The following UPF2 variants were observed in gnomAD, a reference collection of about 807,000 sequenced individuals.
UPF2 encodes the protein regulator of nonsense transcripts 2.
UPF2 carries 17 observed loss-of-function variants against 141.4 expected under a neutral mutation model. The ratio of observed to expected loss-of-function variants is 0.12; its 90% CI spans 0.08 to 0.18. The LOEUF is 0.18. UPF2 is among the 10% of genes least tolerant of loss of function. The pLI, the probability that UPF2 is intolerant of heterozygous loss-of-function variation, is 1.00. For synonymous variants in UPF2, 540 were observed against 498.0 expected, an observed-to-expected ratio of 1.08 and a Z score of -1.12; for missense variants, 1,152 against 1,515.9, an observed-to-expected ratio of 0.76 and a Z score of 3.99.
intron 21 of UPF2, 52 bp downstream of exon 21, chr10:11,929,813 T>G: frequency 6.3e-7 from 1 of 1,595,256 alleles, no homozygotes; most frequent in Non-Finnish European, 8.6e-7. Context: ...TAATTTATTC[T>G]TATGGACATC....
intron 20 of UPF2, among the ~76,000 whole-genome samples, chr10:11,930,589 C>A (rs145748709): frequency 3.1e-4 from 47 of 152,142 alleles, no homozygotes; most frequent in Admixed American, 1.7e-3. Context: ...TGAGCTTGGG[C>A]AACATAGCAA....
chr10:11,955,524 CCA>C lies in UPF2; in HGVS notation c.2575-19_2575-18del. 4 of 1,592,752 alleles carry C rather than the reference CCA, an allele frequency of 2.5e-6. No individual in the cohort carries two copies. The highest frequency in any genetic ancestry group is 3.4e-6 in the Non-Finnish European group (4 of 1,170,520). On this transcript the variant is annotated intron_variant, in intron 13 of 21. Transcript: ENST00000357604. ...TTGATTAACCTAAAAGGCAACAAAA[CCA>C]CAGATTTTCATTAAAGAGGAGTAGT...
intron 18 of UPF2, among the ~76,000 whole-genome samples, chr10:11,938,862 T>TTTTTTTTTTG (rs1832894071): frequency 1.3e-5 from 1 of 79,858 alleles, no homozygotes; most frequent in Non-Finnish European, 2.4e-5. Flanking sequence ...TGTTTTTTTT[T>TTTTTTTTTTG]TTTTTTTTTT....
At chr10:12,015,665 G>A (rs775474908) in intron 3 of UPF2, among the ~76,000 whole-genome samples, 4 of 152,154 alleles carry the variant, frequency 2.6e-5, no homozygotes, top group African/African-American at 4.8e-5. Context: ...TCGTGCCACT[G>A]CACTCCAGCC....
intron 5 of UPF2, among the ~76,000 whole-genome samples, 164 bp from the exon 6 acceptor site, chr10:12,001,989 G>A (rs180836961): frequency 3.9e-5 from 6 of 152,074 alleles, no homozygotes; most frequent in East Asian, 1.9e-4. Context: ...CATTATGCTC[G>A]GCTGGGCATG....
Position 11,921,417 on chromosome 10 carries a change from C to T in UPF2, c.3810-110G>A, listed in dbSNP as rs1832643049. ...ACCACCAAGTCACTCCCCCAAGTTA[C>T]AGGTGGCCCTGGCATCTGCGGGTTC... On this transcript the variant is annotated intron_variant, in intron 21 of 21. Transcript: ENST00000357604. This position sits in a 1 kb window ranked among gnomAD's most constrained non-coding sequence, Gnocchi z 5.9. 1 of 1,408,508 alleles carries T rather than the reference C, an allele frequency of 7.1e-7. No homozygotes were observed. Among genetic ancestry groups the T allele is most frequent in the Non-Finnish European group, 1.0e-6 (1 of 1,004,256 alleles). 87.3% of individuals were successfully genotyped at this position (1,408,508 alleles called of 1,614,324 possible). A position where few individuals can be genotyped will look rare whatever the true frequency, so the allele number is the denominator to read the frequency against.
intron 8 of UPF2, among the ~76,000 whole-genome samples, chr10:11,997,294 A>G (rs1833880109): frequency 6.6e-6 from 1 of 152,176 alleles, no homozygotes; most frequent in Admixed American, 6.6e-5. Flanking sequence ...CATAAATCTG[A>G]GAACTAAATA....
At chr10:11,963,981 G>A (rs1833279231) in intron 11 of UPF2, 28 bp downstream of exon 11, 3 of 1,526,314 alleles carry the variant, frequency 2.0e-6, no homozygotes, top group Non-Finnish European at 2.7e-6. Flanking sequence ...AGAACCTCTA[G>A]CTCTTACCAG....
At chr10:12,024,655 G>A (rs373241756) in intron 3 of UPF2, among the ~76,000 whole-genome samples, 13 of 151,036 alleles carry the variant, frequency 8.6e-5, no homozygotes, top group South Asian at 6.3e-4. Context: ...GGGTGGCACC[G>A]AGCACAGTGG....
chr10:11,934,883 C>CT (rs1297148682), intron 19 of UPF2, among the ~76,000 whole-genome samples: 1 of 152,094 alleles, frequency 6.6e-6, no homozygotes, highest in Non-Finnish European at 1.5e-5. Flanking sequence ...CCACTATGCC[C>CT]GGCCACACAC....
At chr10:11,937,209 A>G (rs781098460) in intron 18 of UPF2, among the ~76,000 whole-genome samples, 2 of 152,242 alleles carry the variant, frequency 1.3e-5, no homozygotes, top group Non-Finnish European at 2.9e-5. Flanking sequence ...TTGGTTGGTA[A>G]TATCAATTAT....
At chr10:11,929,724 C>T (rs1222744372) in intron 21 of UPF2, 141 bp downstream of exon 21, 1 of 1,223,990 alleles carries the variant, frequency 8.2e-7, no homozygotes, top group Non-Finnish European at 1.1e-6. Flanking sequence ...ATCTACTTTT[C>T]TATTTTGCTA....
At chr10:11,922,290 C>T (rs1832655375) in intron 21 of UPF2, among the ~76,000 whole-genome samples, 1 of 152,184 alleles carries the variant, frequency 6.6e-6, no homozygotes, top group Admixed American at 6.5e-5. Flanking sequence ...TTTGTCATGG[C>T]AGCCCAAGCA....
At position 12,002,096 on chromosome 10, in the gene UPF2, C is replaced by T. The variant is rs185451339; in HGVS notation, c.1505-271G>A. Among the ~76,000 whole-genome samples the T allele has an allele frequency of 1.9e-3, 289 of 152,146 alleles. 3 individuals are homozygous for T. Among genetic ancestry groups the T allele is most frequent in the Non-Finnish European group, 2.7e-3 (184 of 68,006 alleles). ...GACCAGCCTGACCAACATGGTGAAA[C>T]CCCATCTCTACTAAAAATACAAAAA... is the stretch of plus-strand genomic sequence containing the variant. On this transcript the variant is annotated intron_variant, in intron 5 of 21. Transcript: ENST00000357604.
chr10:11,968,806 A>G (rs1833364962), intron 9 of UPF2, among the ~76,000 whole-genome samples: 1 of 152,230 alleles, frequency 6.6e-6, no homozygotes, highest in Non-Finnish European at 1.5e-5. Context: ...TACAGTCTAG[A>G]AAACTTTCAT....
intron 7 of UPF2, among the ~76,000 whole-genome samples, chr10:11,999,512 CAAAA>C (rs1325502291): frequency 9.0e-5 from 9 of 100,396 alleles, no homozygotes; most frequent in African/African-American, 5.0e-5. Flanking sequence ...GACTCCATCT[CAAAA>C]AAAAAAAAAA....
chr10:11,993,794 C>G (rs1833821752), intron 8 of UPF2, among the ~76,000 whole-genome samples: 1 of 151,654 alleles, frequency 6.6e-6, no homozygotes, highest in Non-Finnish European at 1.5e-5. Flanking sequence ...GTCAATATAA[C>G]AAGACCTCGA....
rs1374483342 is a variant in UPF2 at position 12,019,498 on chromosome 10, G to A, written c.1146-5314C>T. Among the ~76,000 whole-genome samples, 3 of 152,174 alleles carry A rather than the reference G, an allele frequency of 2.0e-5. No homozygotes were observed. The highest frequency in any genetic ancestry group is 2.4e-5 in the African/African-American group (1 of 41,438). On this transcript the variant is annotated intron_variant, in intron 3 of 21. Coordinates refer to ENST00000357604, the MANE Select transcript of UPF2 (RefSeq NM_015542.4). The surrounding 1 kb of genome is among the most constrained non-coding windows in gnomAD (Gnocchi z 4.5). Reference sequence around the variant, plus strand: ...GCCAATGCCTGTCACACTACTACATGTCTTATAAATTAGTACATTCTCTCC... The same window carrying A: ...GCCAATGCCTGTCACACTACTACATATCTTATAAATTAGTACATTCTCTCC...
chr10:11,930,923 A>G lies in UPF2; in HGVS notation c.3688+718T>C, dbSNP rs138133946. ...TCAGTACAGTGCTGTAGAAACAACTATTACGGCTGTAAAATCTGCATACCA... is the reference window on the plus strand; with the variant it reads ...TCAGTACAGTGCTGTAGAAACAACTGTTACGGCTGTAAAATCTGCATACCA... On this transcript the variant is annotated intron_variant, in intron 20 of 21. Coordinates refer to ENST00000357604, the MANE Select transcript of UPF2 (RefSeq NM_015542.4). Among the ~76,000 whole-genome samples the G allele has an allele frequency of 1.6e-3, 243 of 152,318 alleles. 1 individual carries two copies. The highest frequency in any genetic ancestry group is 5.4e-3 in the African/African-American group (224 of 41,572).
Sources: allele counts gnomAD v4.1 joint callset (sites outside exome capture counted in the v4.1 genomes callset), GRCh38; gene constraint gnomAD v4.1.1; non-coding constraint Gnocchi (gnomAD v3.1); transcripts MANE v1.5; gene names NCBI Gene and HGNC (gene_info 2026-07-23, HGNC 2026-07-21).